The following TRMT1 variants were observed in gnomAD, a reference collection of about 807,000 sequenced individuals.
The protein encoded by TRMT1 is tRNA (guanine(26)-N(2))-dimethyltransferase.
Under a neutral mutation model 75.4 loss-of-function variants are expected in TRMT1, and 63 were observed. The ratio of observed to expected loss-of-function variants is 0.84; its 90% CI spans 0.68 to 1.03. TRMT1 has a LOEUF of 1.03. TRMT1 is among the 50% of genes least tolerant of loss of function. The probability of loss-of-function intolerance (pLI) is 0.00; values close to 1 mark genes in which losing one functional copy is unlikely to be tolerated. For synonymous variants in TRMT1, 382 were observed against 358.1 expected (o/e 1.07, Z -0.75); for missense variants, 870 against 905.3 (o/e 0.96, Z 0.50).
At chr19:13,115,556 T>C in intron 4 of TRMT1, 70 bp downstream of exon 4, 1 of 1,604,714 alleles carries the variant, frequency 6.2e-7, no homozygotes, top group Non-Finnish European at 8.5e-7. Context: ...CTCCTATAGC[T>C]CTCCCCCTCC....
intron 3 of TRMT1, 64 bp from the exon 4 acceptor site, chr19:13,115,832 A>G (rs759559223): frequency 6.2e-7 from 1 of 1,609,424 alleles, no homozygotes; most frequent in Admixed American, 1.7e-5. Flanking sequence ...CCTCCCCTTA[A>G]TCTCCAAAAT....
rs543736163 is a variant in TRMT1, at chr19:13,115,806, G to A, written c.311-38C>T. The stretch of plus-strand genomic sequence containing the variant: ...AGAGGCACAAGTCAGAGAATAACAA[G>A]GTCCCCTCTGAGAAACCTCCCCTTA... On this transcript the variant is annotated intron_variant, in intron 3 of 16. Transcript: ENST00000357720. The A allele has an allele frequency of 6.2e-5, 100 of 1,612,572 alleles. 1 individual carries two copies. The South Asian group carries it at 1.0e-3, about 16-fold the overall frequency.
At position 13,115,652 on chromosome 19, in the gene TRMT1, T is replaced by G. The variant is rs1026391303; in HGVS notation, c.427A>C (p.Thr143Pro). The part of the protein sequence containing the change: ...ENLASGDQPR[T>P]AAVGEICEEG... ...TCACAGATCTCCCCCACGGCCGCTG[T>G]GCGAGGTTGGTCTCCTGAGGCCAGG... is the stretch of plus-strand genomic sequence containing the variant. The change falls in exon 4 of 17, where the codon ACA becomes CCA. Residue 143 changes from threonine to proline, a missense_variant. Thr to Pro is a conservative substitution (Grantham distance 38). Transcript: ENST00000357720. The G allele has an allele frequency of 2.9e-5, 47 of 1,614,012 alleles. No individual in the cohort carries two copies. Among genetic ancestry groups the G allele is most frequent in the Non-Finnish European group, 3.7e-5 (44 of 1,179,996 alleles).
At position 13,104,978 on chromosome 19, in the gene TRMT1, G is replaced by C. The variant is rs773579799; in HGVS notation, c.1937C>G (p.Thr646Ser). ...AGCGGCAGCCCCAGGTCCAGGGGGG[G>C]TCTGGTTGGAGGTCTCTGGACAGTC... ...APDCPETSNQ[T>S]PPGPGAAAGP... The change falls in exon 17 of 17, where the codon ACC becomes AGC. Residue 646 changes from threonine to serine, a missense_variant. Physicochemically the swap from Thr to Ser is moderately conservative, Grantham distance 58 (BLOSUM62 1). Transcript: ENST00000357720. 16 of 1,613,898 alleles carry C rather than the reference G, an allele frequency of 9.9e-6. No homozygotes were observed. Among genetic ancestry groups the C allele is most frequent in the East Asian group, 2.2e-5 (1 of 44,880 alleles).
intron 14 of TRMT1, 149 bp from the exon 15 acceptor site, chr19:13,105,755 G>GT (rs745367457): frequency 3.3e-6 from 3 of 897,264 alleles, no homozygotes; most frequent in Admixed American, 3.0e-5. Flanking sequence ...AACATTTTTG[G>GT]TTTTTTTAAA....
chr19:13,107,941 C>G (rs751859577), intron 12 of TRMT1, 82 bp from the exon 13 acceptor site: 4 of 1,053,336 alleles, frequency 3.8e-6, no homozygotes, highest in Non-Finnish European at 5.8e-6. Context: ...GTAAGACTAC[C>G]TTCGGCAAGG....
chr19:13,106,181 G>A (rs2018860605), intron 14 of TRMT1, among the ~76,000 whole-genome samples: 1 of 151,824 alleles, frequency 6.6e-6, no homozygotes, highest in African/African-American at 2.4e-5. Context: ...TCCTGCCTCC[G>A]CCTCAAGCTC....
intron 12 of TRMT1, among the ~76,000 whole-genome samples, chr19:13,108,865 C>G (rs1037279187): frequency 6.6e-6 from 1 of 152,038 alleles, no homozygotes; most frequent in Non-Finnish European, 1.5e-5. Flanking sequence ...CCACCTCAGC[C>G]TCCCAAAGTG....
At chr19:13,105,229 T>TGTGTC (rs1311229207) in intron 16 of TRMT1, 38 bp downstream of exon 16, 1 of 1,595,570 alleles carries the variant, frequency 6.3e-7, no homozygotes. Context: ...GGGAGACTCA[T>TGTGTC]GTGTCCTGCA....
chr19:13,115,709 C>T lies in TRMT1; in HGVS notation c.370G>A (p.Glu124Lys). Reference sequence around the variant, plus strand: ...CTCTCTTTCAGTTCAACCTTTTCCTCCTCTTGCTCTGACAAGTCCACGACC... The same window carrying T: ...CTCTCTTTCAGTTCAACCTTTTCCTTCTCTTGCTCTGACAAGTCCACGACC... Reference protein sequence around the residue: ...KVVVDLSEQEEEKVELKESEN... With the variant: ...KVVVDLSEQEKEKVELKESEN... The change falls in exon 4 of 17, where the codon GAG becomes AAG. Residue 124 changes from glutamate to lysine, a missense_variant. Transcript: ENST00000357720. 1.2e-6 allele frequency: 2 copies of T among 1,614,112 alleles called. No homozygotes were observed. Among genetic ancestry groups the T allele is most frequent in the Non-Finnish European group, 1.7e-6 (2 of 1,180,032 alleles).
At chr19:13,111,460 C>T (rs2019137839) in intron 7 of TRMT1, among the ~76,000 whole-genome samples, 2 of 148,598 alleles carry the variant, frequency 1.3e-5, no homozygotes, top group African/African-American at 2.5e-5. Context: ...CTCGGCTCAC[C>T]GCAACCTCCA....
intron 5 of TRMT1, among the ~76,000 whole-genome samples, chr19:13,114,501 C>T (rs969511551): frequency 2.0e-5 from 3 of 152,188 alleles, no homozygotes; most frequent in African/African-American, 7.2e-5. Context: ...CCCATCTCTA[C>T]TATAAATACA....
At chr19:13,108,886 A>G (rs950074702) in intron 12 of TRMT1, among the ~76,000 whole-genome samples, 1 of 149,392 alleles carries the variant, frequency 6.7e-6, no homozygotes, top group Non-Finnish European at 1.5e-5. Flanking sequence ...CTGGGAATAT[A>G]GGCATGAGCC....
intron 12 of TRMT1, 28 bp from the exon 13 acceptor site, chr19:13,107,887 G>A: frequency 1.3e-6 from 2 of 1,543,940 alleles, no homozygotes; most frequent in Non-Finnish European, 1.8e-6. Context: ...TTATGAGGGA[G>A]ATGCCGGACT....
chr19:13,114,122 T>C (rs946108860), intron 5 of TRMT1, among the ~76,000 whole-genome samples: 1 of 152,228 alleles, frequency 6.6e-6, no homozygotes, highest in Non-Finnish European at 1.5e-5. Flanking sequence ...CTGTAAAAGG[T>C]CAGAAGGTAT....
chr19:13,116,062 G>A lies in TRMT1; in HGVS notation c.255-10C>T, dbSNP rs1256017450. The A allele has an allele frequency of 2.5e-5, 40 of 1,613,930 alleles. No homozygotes were observed. Among genetic ancestry groups the A allele is most frequent in the Non-Finnish European group, 3.4e-5 (40 of 1,180,032 alleles). On this transcript the variant is annotated splice_polypyrimidine_tract_variant and intron_variant, in intron 2 of 16. Transcript: ENST00000357720. The stretch of plus-strand genomic sequence containing the variant: ...GGTGATCACAGCACATCTGGTGGGA[G>A]ACAGAGGACTAGCTCATACCCCGCC...
chr19:13,109,362 C>T lies in TRMT1; in HGVS notation c.1397+19G>A, dbSNP rs12150958. The T allele has an allele frequency of 4.6e-5, 74 of 1,611,984 alleles. No individual in the cohort carries two copies. Among genetic ancestry groups the T allele is most frequent in the Admixed American group, 3.7e-4 (22 of 59,984 alleles). Reference sequence around the variant, plus strand: ...CCTGTGGTCTGGGACAGGCTCCTCCCGACCCCAGGGGCTCTTACCGCAACT... The same window carrying T: ...CCTGTGGTCTGGGACAGGCTCCTCCTGACCCCAGGGGCTCTTACCGCAACT... On this transcript the variant is annotated intron_variant, in intron 12 of 16. Coordinates refer to ENST00000357720, the MANE Select transcript of TRMT1 (RefSeq NM_001136035.4).
chr19:13,105,959 C>T (rs545423223), intron 14 of TRMT1, among the ~76,000 whole-genome samples: 4 of 152,090 alleles, frequency 2.6e-5, no homozygotes, highest in South Asian at 2.1e-4. Flanking sequence ...CTACTCGGGA[C>T]GCTGAGGCAG....
At chr19:13,105,768 G>C (rs2018840590) in intron 14 of TRMT1, among the ~76,000 whole-genome samples, 162 bp from the exon 15 acceptor site, 1 of 152,132 alleles carries the variant, frequency 6.6e-6, no homozygotes, top group African/African-American at 2.4e-5. Flanking sequence ...TTTTTAAAGA[G>C]ATGGGGTCTC....
Sources: allele counts gnomAD v4.1 joint callset (sites outside exome capture counted in the v4.1 genomes callset), GRCh38; gene constraint gnomAD v4.1.1; transcripts MANE v1.5; gene names NCBI Gene and HGNC (gene_info 2026-07-23, HGNC 2026-07-21).